The following PDE1A variants were observed in gnomAD, a reference collection of about 807,000 sequenced individuals.
PDE1A encodes the protein dual specificity calcium/calmodulin-dependent 3',5'-cyclic nucleotide phosphodiesterase 1A.
PDE1A carries 35 observed loss-of-function variants against 61.7 expected under a neutral mutation model. The ratio of observed to expected loss-of-function variants is 0.57; its 90% CI spans 0.43 to 0.75. The LOEUF is 0.75. PDE1A is among the 30% of genes least tolerant of loss of function. The pLI is 0.00. For missense variants in PDE1A, 597 were observed against 630.6 expected (o/e 0.95, Z 0.57); for synonymous variants, 232 against 213.2 (o/e 1.09, Z -0.77).
exon 1 of PDE1A, chr2:182,426,682 G>A: frequency 1.2e-6 from 2 of 1,612,058 alleles, no homozygotes; most frequent in East Asian, 2.2e-5. Flanking sequence ...AAACTCCAGA[G>A]AGGAAATGTG....
intron 1 of PDE1A, among the ~76,000 whole-genome samples, chr2:182,370,643 G>T (rs941097138): frequency 6.6e-6 from 1 of 152,196 alleles, no homozygotes; most frequent in Non-Finnish European, 1.5e-5. Flanking sequence ...GATTTAAAAT[G>T]AGTTCCAACC....
chr2:182,342,631 T>A (rs1159181327), intron 1 of PDE1A, among the ~76,000 whole-genome samples: 1 of 152,146 alleles, frequency 6.6e-6, no homozygotes, highest in East Asian at 1.9e-4. Flanking sequence ...TGCAGTGAGC[T>A]GAGATCGCGC....
At chr2:182,451,981 T>A in intron 2 of PDE1A, among the ~76,000 whole-genome samples, 1 of 152,138 alleles carries the variant, frequency 6.6e-6, no homozygotes, top group Non-Finnish European at 1.5e-5. Flanking sequence ...ATTTTCTTTT[T>A]TTTTTTATCT....
the PDE1A span, among the ~76,000 whole-genome samples, chr2:182,706,829 G>A: frequency 1.3e-5 from 2 of 152,172 alleles, no homozygotes; most frequent in Non-Finnish European, 2.9e-5. Context: ...ACTTAAATAT[G>A]TTCCAGGGTT....
At chr2:182,384,872 T>C (rs74612910) in intron 1 of PDE1A, among the ~76,000 whole-genome samples, 3 of 152,124 alleles carry the variant, frequency 2.0e-5, no homozygotes, top group African/African-American at 7.2e-5. Context: ...GTACCTATTA[T>C]AATCAAACTG....
chr2:182,669,834 G>A, the PDE1A span, among the ~76,000 whole-genome samples: 20 of 152,292 alleles, frequency 1.3e-4, no homozygotes, highest in African/African-American at 4.6e-4. Context: ...AGACGCACCT[G>A]CGTGTGCGTT....
the PDE1A span, among the ~76,000 whole-genome samples, chr2:182,544,198 C>T: frequency 6.6e-6 from 1 of 152,140 alleles, no homozygotes; most frequent in East Asian, 1.9e-4. Context: ...ATGACCTGAC[C>T]ATAACTGGCA....
intron 1 of PDE1A, among the ~76,000 whole-genome samples, chr2:182,300,901 C>A (rs187886935): frequency 2.0e-3 from 302 of 152,280 alleles, no homozygotes; most frequent in Middle Eastern, 3.4e-3. Context: ...CAAGCTACTT[C>A]CTCCGTCAAA....
At chr2:182,602,992 C>CACACATACAT in the PDE1A span, among the ~76,000 whole-genome samples, 1,474 of 130,470 alleles carry the variant, frequency 0.011, 8 homozygotes, top group South Asian at 0.028. Flanking sequence ...CACACACACA[C>CACACATACAT]ACATACATAC....
At chr2:182,325,974 G>A (rs752690420) in intron 1 of PDE1A, among the ~76,000 whole-genome samples, 1 of 152,006 alleles carries the variant, frequency 6.6e-6, no homozygotes, top group African/African-American at 2.4e-5. Flanking sequence ...AATTGGCAAA[G>A]AACTTGAATA....
At chr2:182,141,039 T>C (rs187428487) in exon 15 of PDE1A, 26 of 152,030 alleles carry the variant, frequency 1.7e-4, no homozygotes, top group African/African-American at 4.8e-4. Flanking sequence ...AAAGCCCATA[T>C]ACAGAAATTG....
intron 1 of PDE1A, among the ~76,000 whole-genome samples, chr2:182,409,908 G>T (rs1702512786): frequency 6.6e-6 from 1 of 151,900 alleles, no homozygotes; most frequent in African/African-American, 2.4e-5. Context: ...TCAATAGTAA[G>T]GATAATAATT....
chr2:182,432,451 T>TGTA (rs1704004119), intron 2 of PDE1A, among the ~76,000 whole-genome samples: 1 of 141,502 alleles, frequency 7.1e-6, no homozygotes, highest in African/African-American at 2.8e-5. Context: ...TTGTTGTAGT[T>TGTA]GTTGTTGTTA....
the PDE1A span, among the ~76,000 whole-genome samples, chr2:182,687,656 C>T: frequency 1.3e-5 from 2 of 152,152 alleles, no homozygotes; most frequent in Admixed American, 6.5e-5. Flanking sequence ...CAGCTCCTCA[C>T]CAGCAACGAA....
At chr2:182,603,148 A>T in the PDE1A span, among the ~76,000 whole-genome samples, 21,753 of 152,114 alleles carry the variant, frequency 0.14, 1,831 homozygotes, top group African/African-American at 0.23. Context: ...ATAGAATGAC[A>T]AAAGTCCTGG....
chr2:182,571,076 T>C, the PDE1A span, among the ~76,000 whole-genome samples: 1 of 152,228 alleles, frequency 6.6e-6, no homozygotes, highest in Non-Finnish European at 1.5e-5. Flanking sequence ...GATGCTAATG[T>C]TTAAATACTC....
the PDE1A span, among the ~76,000 whole-genome samples, chr2:182,576,074 CTTT>C: frequency 6.6e-6 from 1 of 151,348 alleles, no homozygotes; most frequent in Non-Finnish European, 1.5e-5. Flanking sequence ...ATATAACAAA[CTTT>C]TTTATCTTAA....
chr2:182,636,885 G>A, the PDE1A span, among the ~76,000 whole-genome samples: 1 of 152,118 alleles, frequency 6.6e-6, no homozygotes, highest in Non-Finnish European at 1.5e-5. Flanking sequence ...CTGTCAGCAG[G>A]GGGCTGGTCT....
chr2:182,511,979 A>C (rs1276827218), intron 2 of PDE1A, among the ~76,000 whole-genome samples: 1 of 152,126 alleles, frequency 6.6e-6, no homozygotes, highest in East Asian at 1.9e-4. Flanking sequence ...TGCGTGGACC[A>C]CACTGCCCCA....
Sources: allele counts gnomAD v4.1 joint callset (sites outside exome capture counted in the v4.1 genomes callset), GRCh38; gene constraint gnomAD v4.1.1; transcripts MANE v1.5; gene names NCBI Gene and HGNC (gene_info 2026-07-23, HGNC 2026-07-21).